PAX5: variants seen among roughly 807,000 people sequenced by gnomAD.
PAX5 encodes the protein paired box 5.
In PAX5, 9 loss-of-function variants were observed where a neutral mutation model predicts 43.7. The ratio of observed to expected loss-of-function variants is 0.21; its 90% CI spans 0.12 to 0.36. The LOEUF is 0.36. Ranked by LOEUF, PAX5 falls within the 10% of genes least tolerant of loss-of-function variation. PAX5 has a pLI of 1.00. For missense variants in PAX5, 383 were observed against 532.7 expected (o/e 0.72, Z 2.77); for synonymous variants, 228 against 214.3 (o/e 1.06, Z -0.56).
chr9:37,001,884 C>G (rs995907684), intron 5 of PAX5, among the ~76,000 whole-genome samples: 4 of 141,702 alleles, frequency 2.8e-5, no homozygotes, highest in African/African-American at 1.1e-4. Flanking sequence ...TTTCTCCTCT[C>G]AAACCCATTA....
At chr9:36,846,580 C>CT (rs1259530453) in intron 9 of PAX5, among the ~76,000 whole-genome samples, 2 of 152,194 alleles carry the variant, frequency 1.3e-5, no homozygotes, top group Non-Finnish European at 2.9e-5. Flanking sequence ...TTCAATGCCC[C>CT]TTTTTTCCTC....
At position 36,882,640 on chromosome 9, in the gene PAX5, C is replaced by T. The variant is rs1826548854; in HGVS notation, c.911-535G>A. ...GAACAGGGGGCATATCTGCCTCAAA[C>T]CTTATAGTCCCATATCTGGCCTAGT... On this transcript the variant is annotated intron_variant, in intron 7 of 9. Coordinates refer to ENST00000358127, the MANE Select transcript of PAX5 (RefSeq NM_016734.3). This position sits in a 1 kb window ranked among gnomAD's most constrained non-coding sequence, Gnocchi z 4.4. 6.6e-6 allele frequency among the ~76,000 whole-genome samples: 1 copy of T among 152,242 alleles called. No individual in the cohort carries two copies. Among genetic ancestry groups the T allele is most frequent in the Admixed American group, 6.5e-5 (1 of 15,286 alleles).
intron 9 of PAX5, among the ~76,000 whole-genome samples, chr9:36,845,313 A>G (rs1239092906): frequency 1.3e-5 from 2 of 152,184 alleles, no homozygotes; most frequent in Non-Finnish European, 2.9e-5. Flanking sequence ...CTGCTGGAAG[A>G]CACTGGTTCA....
At chr9:36,995,713 C>A (rs575241643) in intron 5 of PAX5, among the ~76,000 whole-genome samples, 1 of 152,158 alleles carries the variant, frequency 6.6e-6, no homozygotes, top group Non-Finnish European at 1.5e-5. Context: ...TTTTCCCATG[C>A]GAATGACGGA....
intron 7 of PAX5, among the ~76,000 whole-genome samples, chr9:36,912,121 G>A (rs896396199): frequency 6.6e-6 from 1 of 152,226 alleles, no homozygotes. Flanking sequence ...GGATTTCTGC[G>A]GGATCAGGAC....
At chr9:36,867,065 G>T (rs1241664512) in intron 8 of PAX5, among the ~76,000 whole-genome samples, 1 of 132,610 alleles carries the variant, frequency 7.5e-6, no homozygotes, top group Non-Finnish European at 1.6e-5. Flanking sequence ...GGTGGTGGGG[G>T]GGGGGCCTTG....
intron 8 of PAX5, among the ~76,000 whole-genome samples, chr9:36,850,563 C>T (rs536934642): frequency 1.8e-4 from 28 of 152,328 alleles, no homozygotes; most frequent in African/African-American, 5.3e-4. Context: ...AGGGACACCA[C>T]GGGCCCTTCG....
intron 5 of PAX5, among the ~76,000 whole-genome samples, chr9:36,988,087 G>A (rs1313590349): frequency 6.6e-6 from 1 of 152,142 alleles, no homozygotes; most frequent in Admixed American, 6.5e-5. Context: ...GGAGCTGGAA[G>A]GGTTGTCCAG....
chr9:36,930,055 C>A (rs1830998692), intron 6 of PAX5, among the ~76,000 whole-genome samples: 1 of 151,254 alleles, frequency 6.6e-6, no homozygotes, highest in Non-Finnish European at 1.5e-5. Flanking sequence ...ACCTCAAGGT[C>A]AAGACCACCA....
intron 6 of PAX5, among the ~76,000 whole-genome samples, chr9:36,931,401 A>G (rs995697855): frequency 1.3e-5 from 2 of 152,234 alleles, no homozygotes; most frequent in Admixed American, 1.3e-4. Context: ...GCCACATGAC[A>G]AAGTCTAGAT....
At chr9:37,018,496 A>G (rs1839582537) in intron 2 of PAX5, among the ~76,000 whole-genome samples, 2 of 144,558 alleles carry the variant, frequency 1.4e-5, no homozygotes, top group Admixed American at 1.5e-4. Flanking sequence ...ACACTCTGGA[A>G]ACCATAGCCA....
chr9:36,953,400 A>T (rs1386949688), intron 6 of PAX5, among the ~76,000 whole-genome samples: 3 of 152,052 alleles, frequency 2.0e-5, no homozygotes, highest in Admixed American at 6.5e-5. Context: ...AGCCATTGTT[A>T]TTTCAAATAT....
At chr9:36,847,387 G>C (rs6476585) in intron 8 of PAX5, among the ~76,000 whole-genome samples, 143,224 of 152,090 alleles carry the variant, frequency 0.94, 68,005 homozygotes, top group East Asian at 1. Context: ...CCCACCTGCT[G>C]ATGAGTGGCT....
intron 3 of PAX5, among the ~76,000 whole-genome samples, chr9:37,008,993 C>G (rs369935859): frequency 2.0e-5 from 3 of 151,978 alleles, no homozygotes; most frequent in African/African-American, 7.3e-5. Context: ...CTGGATATGT[C>G]AATATATGGA....
intron 7 of PAX5, among the ~76,000 whole-genome samples, chr9:36,884,375 A>G (rs973095965): frequency 6.6e-6 from 1 of 152,220 alleles, no homozygotes; most frequent in Non-Finnish European, 1.5e-5. Context: ...TTAATGTATT[A>G]AAGGAAGAAA....
intron 6 of PAX5, among the ~76,000 whole-genome samples, chr9:36,955,780 AAAATAT>A (rs1564007090): frequency 1.2e-5 from 1 of 82,994 alleles, no homozygotes. Context: ...CAAAAAAAAA[AAAATAT>A]ATATATATAT....
intron 5 of PAX5, among the ~76,000 whole-genome samples, chr9:36,979,051 G>T (rs1835690943): frequency 6.6e-6 from 1 of 152,208 alleles, no homozygotes; most frequent in Non-Finnish European, 1.5e-5. Flanking sequence ...ACTGTCCACT[G>T]TCTCTGATAG....
chr9:36,967,323 T>G (rs1169794295), intron 5 of PAX5, among the ~76,000 whole-genome samples: 3 of 152,238 alleles, frequency 2.0e-5, no homozygotes, highest in Admixed American at 6.5e-5. Context: ...CAAATGCACA[T>G]TCCCTTTGAT....
intron 6 of PAX5, among the ~76,000 whole-genome samples, chr9:36,926,682 G>C (rs1178134108): frequency 2.6e-5 from 4 of 152,220 alleles, no homozygotes; most frequent in Non-Finnish European, 5.9e-5. Context: ...GCATCTTCTA[G>C]AGTTTCTGGG....
Sources: gnomAD v4.1 joint callset for allele counts (sites outside exome capture counted in the v4.1 genomes callset) on GRCh38, gnomAD v4.1.1 for gene constraint, Gnocchi (gnomAD v3.1) non-coding constraint, MANE v1.5 for transcripts, NCBI Gene and HGNC (gene_info 2026-07-23, HGNC 2026-07-21) for gene names.